The following LPP variants were observed in gnomAD, a reference collection of about 807,000 sequenced individuals.
LPP encodes the protein lipoma-preferred partner.
LPP carries 38 observed loss-of-function variants against 60.4 expected under a neutral mutation model. The observed-to-expected ratio is 0.63, with a 90% CI of 0.49 to 0.83. The LOEUF (loss-of-function observed/expected upper bound fraction) is 0.83, where lower values mean the gene tolerates loss of function less well. Ranked by LOEUF, LPP falls within the 40% of genes least tolerant of loss-of-function variation. The pLI is 0.00. For synonymous variants in LPP, 328 were observed against 290.8 expected, an observed-to-expected ratio of 1.13 and a Z score of -1.30; for missense variants, 902 against 783.6, an observed-to-expected ratio of 1.15 and a Z score of -1.80.
chr3:188,804,399 C>T (rs1349814259), intron 9 of LPP, among the ~76,000 whole-genome samples: 2 of 150,406 alleles, frequency 1.3e-5, no homozygotes, highest in African/African-American at 4.9e-5. Context: ...AAGCCAAATA[C>T]TGCATGTGGT....
At chr3:188,528,566 T>C (rs1821300615) in intron 6 of LPP, among the ~76,000 whole-genome samples, 1 of 152,202 alleles carries the variant, frequency 6.6e-6, no homozygotes, top group East Asian at 1.9e-4. Flanking sequence ...CACAAATTCA[T>C]CATCACTGAT....
At chr3:188,339,898 T>A (rs142685433) in intron 2 of LPP, among the ~76,000 whole-genome samples, 2 of 152,348 alleles carry the variant, frequency 1.3e-5, no homozygotes, top group East Asian at 3.9e-4. Context: ...ATGGTAACAC[T>A]GCATCAAACA....
chr3:188,661,674 T>A (rs1469135077), intron 7 of LPP, among the ~76,000 whole-genome samples: 1 of 152,240 alleles, frequency 6.6e-6, no homozygotes. Context: ...ATATTTTCAA[T>A]AATAATAGTC....
At chr3:188,723,241 C>T (rs1717145753) in intron 8 of LPP, among the ~76,000 whole-genome samples, 1 of 152,198 alleles carries the variant, frequency 6.6e-6, no homozygotes, top group African/African-American at 2.4e-5. Flanking sequence ...CACAGCTTTA[C>T]TGTCAGTGTC....
chr3:188,531,676 A>G (rs967783081), intron 6 of LPP, among the ~76,000 whole-genome samples: 10 of 152,146 alleles, frequency 6.6e-5, no homozygotes, highest in African/African-American at 2.4e-4. Context: ...CCCCAACTCT[A>G]TGGTAACAGA....
chr3:188,393,609 G>A (rs1328710708), intron 3 of LPP, among the ~76,000 whole-genome samples: 2 of 152,104 alleles, frequency 1.3e-5, no homozygotes, highest in African/African-American at 2.4e-5. Flanking sequence ...AGAACAGCAG[G>A]TATAAATTGG....
At chr3:188,425,087 T>G (rs1407068989) in intron 4 of LPP, among the ~76,000 whole-genome samples, 8 of 152,318 alleles carry the variant, frequency 5.3e-5, no homozygotes, top group Admixed American at 4.6e-4. Context: ...GGGTTTGTCA[T>G]AAATAGCTCT....
At chr3:188,612,442 A>G (rs888173176) in intron 7 of LPP, among the ~76,000 whole-genome samples, 1 of 152,212 alleles carries the variant, frequency 6.6e-6, no homozygotes, top group Non-Finnish European at 1.5e-5. Flanking sequence ...GACTACGGGC[A>G]TGAGAAATGA....
chr3:188,676,167 G>A (rs937869337), intron 7 of LPP, among the ~76,000 whole-genome samples: 9 of 152,120 alleles, frequency 5.9e-5, no homozygotes, highest in South Asian at 2.1e-4. Context: ...TGGTGGAATC[G>A]AATTCTTGAA....
At chr3:188,617,997 A>G (rs1845169541) in intron 7 of LPP, among the ~76,000 whole-genome samples, 1 of 152,210 alleles carries the variant, frequency 6.6e-6, no homozygotes, top group South Asian at 2.1e-4. Context: ...CTTCTTCACC[A>G]AACAAAGAAA....
At chr3:188,625,862 C>A (rs1289341512) in intron 7 of LPP, among the ~76,000 whole-genome samples, 3 of 152,100 alleles carry the variant, frequency 2.0e-5, no homozygotes, top group Non-Finnish European at 1.5e-5. Flanking sequence ...TTAAATGATT[C>A]AAGTCTGTTA....
chr3:188,720,881 C>T (rs1037872281), intron 8 of LPP, among the ~76,000 whole-genome samples: 1 of 152,154 alleles, frequency 6.6e-6, no homozygotes, highest in Non-Finnish European at 1.5e-5. Context: ...AAACAGTGTA[C>T]ACTAGTGACT....
chr3:188,760,901 A>G (rs1260165723), intron 9 of LPP, among the ~76,000 whole-genome samples: 5 of 152,242 alleles, frequency 3.3e-5, no homozygotes, highest in Non-Finnish European at 7.3e-5. Context: ...ATTACAGAAC[A>G]CAAAAACTAT....
intron 10 of LPP, among the ~76,000 whole-genome samples, chr3:188,871,518 A>G (rs960216237): frequency 1.3e-5 from 2 of 152,236 alleles, no homozygotes; most frequent in Non-Finnish European, 2.9e-5. Context: ...AATATAATGT[A>G]TGTAGAAATG....
intron 1 of LPP, among the ~76,000 whole-genome samples, chr3:188,189,079 T>G (rs561739404): frequency 1.1e-4 from 16 of 152,092 alleles, no homozygotes; most frequent in African/African-American, 3.9e-4. Context: ...GGTCCAACAG[T>G]GCTATTTTAT....
At chr3:188,755,819 A>T in intron 8 of LPP, among the ~76,000 whole-genome samples, 1 of 3,132 alleles carries the variant, frequency 3.2e-4, no homozygotes, top group Non-Finnish European at 9.1e-4. Context: ...CAAAAAAAAA[A>T]AAAAAAAAAA....
At chr3:188,809,516 T>A (rs189116899) in intron 9 of LPP, among the ~76,000 whole-genome samples, 1 of 152,312 alleles carries the variant, frequency 6.6e-6, no homozygotes, top group East Asian at 1.9e-4. Context: ...TTTGCCCACT[T>A]TTTGATAAAG....
At chr3:188,179,813 A>G (rs933886505) in intron 1 of LPP, 32 of 301,518 alleles carry the variant, frequency 1.1e-4, no homozygotes, top group African/African-American at 6.9e-4. Flanking sequence ...TCTTTCATTC[A>G]GCCTCATCCT....
At chr3:188,793,394 C>G (rs915686849) in intron 9 of LPP, among the ~76,000 whole-genome samples, 1 of 152,026 alleles carries the variant, frequency 6.6e-6, no homozygotes, top group South Asian at 2.1e-4. Context: ...GTTGGAGAGA[C>G]TGGTCTTGAA....
Sources: allele counts gnomAD v4.1 joint callset (sites outside exome capture counted in the v4.1 genomes callset), GRCh38; gene constraint gnomAD v4.1.1; transcripts MANE v1.5; gene names NCBI Gene and HGNC (gene_info 2026-07-23, HGNC 2026-07-21).